STPG2: variants seen among roughly 807,000 people sequenced by gnomAD.
STPG2 encodes sperm tail PG-rich repeat containing 2.
A neutral mutation model predicts 54.2 loss-of-function variants in STPG2; 56 were observed. The ratio of observed to expected loss-of-function variants is 1.03; its 90% CI spans 0.83 to 1.29. STPG2 has a LOEUF of 1.29. Ranked by LOEUF, STPG2 falls within the 50% of genes most tolerant of loss-of-function variation. The pLI, the probability that STPG2 is intolerant of heterozygous loss-of-function variation, is 0.00. For synonymous variants in STPG2, 200 were observed against 181.8 expected (o/e 1.10, Z -0.81); for missense variants, 596 against 544.9 (o/e 1.09, Z -0.93).
At chr4:98,098,237 T>G (rs1245170908) in intron 5 of STPG2, among the ~76,000 whole-genome samples, 1 of 151,976 alleles carries the variant, frequency 6.6e-6, no homozygotes, top group East Asian at 1.9e-4. Flanking sequence ...AGAGCTACAG[T>G]AACCAAAACA....
At chr4:97,796,435 C>A (rs1188660923) in intron 9 of STPG2, among the ~76,000 whole-genome samples, 1 of 152,144 alleles carries the variant, frequency 6.6e-6, no homozygotes, top group African/African-American at 2.4e-5. Context: ...CCAGTTTTCC[C>A]AGCATCATTT....
intron 8 of STPG2, among the ~76,000 whole-genome samples, chr4:97,841,587 C>T (rs1728804209): frequency 6.6e-6 from 1 of 151,776 alleles, no homozygotes; most frequent in East Asian, 1.9e-4. Context: ...TCATTTTCCT[C>T]AAATTATAAC....
chr4:97,579,851 C>T (rs1578402723), intron 10 of STPG2, among the ~76,000 whole-genome samples: 2 of 151,998 alleles, frequency 1.3e-5, no homozygotes, highest in South Asian at 2.1e-4. Context: ...TACAATTGAC[C>T]AAATCTTTTA....
chr4:97,669,896 T>A (rs543489019), intron 10 of STPG2, among the ~76,000 whole-genome samples: 1 of 152,148 alleles, frequency 6.6e-6, no homozygotes, highest in Non-Finnish European at 1.5e-5. Flanking sequence ...AGAGTTACAG[T>A]AAAGCAACTC....
chr4:97,532,441 A>C (rs1195556753), intron 4 of STPG2, among the ~76,000 whole-genome samples: 1 of 152,178 alleles, frequency 6.6e-6, no homozygotes, highest in Non-Finnish European at 1.5e-5. Flanking sequence ...TATTTTCAAA[A>C]AAAATCAGAA....
intron 10 of STPG2, among the ~76,000 whole-genome samples, chr4:97,641,738 A>T (rs1190313336): frequency 1.3e-5 from 2 of 151,514 alleles, no homozygotes; most frequent in African/African-American, 4.8e-5. Flanking sequence ...TACTATAATA[A>T]AAAAGGAAAT....
intron 9 of STPG2, among the ~76,000 whole-genome samples, chr4:97,788,414 T>C (rs1726891670): frequency 2.0e-5 from 3 of 152,138 alleles, no homozygotes; most frequent in Non-Finnish European, 1.5e-5. Context: ...CTCATTCTTT[T>C]TCATGGCTGA....
At chr4:97,444,825 C>A (rs192493752) in intron 4 of STPG2, among the ~76,000 whole-genome samples, 1 of 152,048 alleles carries the variant, frequency 6.6e-6, no homozygotes, top group Non-Finnish European at 1.5e-5. Context: ...GTCAGGAGAT[C>A]GAGACCATCC....
intron 7 of STPG2, among the ~76,000 whole-genome samples, chr4:97,952,456 A>G (rs1228423270): frequency 6.6e-6 from 1 of 152,194 alleles, no homozygotes; most frequent in African/African-American, 2.4e-5. Flanking sequence ...CTTTTGTCCC[A>G]TGGAGCGTCC....
At chr4:98,099,070 T>C (rs1244427118) in intron 5 of STPG2, among the ~76,000 whole-genome samples, 1 of 151,468 alleles carries the variant, frequency 6.6e-6, no homozygotes, top group Non-Finnish European at 1.5e-5. Context: ...AAAAAAAAAC[T>C]AAAAATAGAG....
In STPG2 at chr4:97,943,976, G is replaced by A. The variant is rs1320469185; in HGVS notation, c.965C>T (p.Ser322Phe). 1 of 1,607,066 alleles carries A rather than the reference G, an allele frequency of 6.2e-7. No homozygotes were observed. The highest frequency in any genetic ancestry group is 8.5e-7 in the Non-Finnish European group (1 of 1,177,738). ...GTTAGTCAAGTTAGGTAATTCATCA[G>A]AAATTCCCACACCCTGTGAATGCCA... ...EFWHSQGVGI[S>F]DELPNLTNKY... The change falls in exon 8 of 11, where the codon TCT becomes TTT. Residue 322 changes from serine to phenylalanine, a missense_variant. Physicochemically the swap from Ser to Phe is radical, Grantham distance 155. Transcript: ENST00000295268.
intron 9 of STPG2, among the ~76,000 whole-genome samples, chr4:97,743,402 A>G (rs1560511267): frequency 1.3e-5 from 2 of 151,706 alleles, no homozygotes; most frequent in Non-Finnish European, 3.0e-5. Context: ...TTTCACTTAC[A>G]TAGACTTATT....
intron 10 of STPG2, among the ~76,000 whole-genome samples, chr4:97,622,074 A>G (rs1036893983): frequency 3.9e-5 from 6 of 152,142 alleles, no homozygotes; most frequent in African/African-American, 1.4e-4. Flanking sequence ...ATAGAATTCA[A>G]TATCGCTTCA....
intron 10 of STPG2, among the ~76,000 whole-genome samples, chr4:97,651,157 A>G (rs967336280): frequency 1.3e-5 from 2 of 152,088 alleles, no homozygotes; most frequent in African/African-American, 2.4e-5. Context: ...AATCATTTCA[A>G]TTTTTAAACC....
intron 10 of STPG2, among the ~76,000 whole-genome samples, chr4:97,635,895 G>T (rs949583247): frequency 6.6e-6 from 1 of 152,052 alleles, no homozygotes; most frequent in Non-Finnish European, 1.5e-5. Context: ...AACAATGGGA[G>T]ACTTTAACAC....
At chr4:98,102,695 G>A (rs954373320) in intron 5 of STPG2, among the ~76,000 whole-genome samples, 2 of 151,670 alleles carry the variant, frequency 1.3e-5, no homozygotes, top group African/African-American at 4.8e-5. Context: ...AAATTAAAAT[G>A]TCTCTCATTC....
Position 98,105,986 on chromosome 4 carries a change from T to G in STPG2, c.579A>C (p.Leu193=). 1.3e-6 allele frequency: 2 copies of G among 1,537,534 alleles called. No homozygotes were observed. Among genetic ancestry groups the G allele is most frequent in the South Asian group, 1.1e-5 (1 of 88,962 alleles). ...QQNYCSFIPR[L]YEIIVLQEKK... ...TCTCCTGCAATACTATTATTTCATA[T>G]AGTCGTGGGATAAATGAACAATAAT... The change falls in exon 5 of 11, where the codon CTA becomes CTC. Residue 193 remains leucine, a synonymous_variant. Transcript: ENST00000295268.
chr4:97,795,503 A>G (rs1272485366), intron 9 of STPG2, among the ~76,000 whole-genome samples: 1 of 152,196 alleles, frequency 6.6e-6, no homozygotes, highest in Non-Finnish European at 1.5e-5. Context: ...AGCTTCATCC[A>G]TGTCCCTACA....
chr4:97,980,490 C>T (rs188409560), intron 6 of STPG2, among the ~76,000 whole-genome samples: 347 of 152,254 alleles, frequency 2.3e-3, no homozygotes, highest in Admixed American at 5.9e-3. Context: ...AATCTTGCAG[C>T]ATCTGGTCAG....
Sources: gnomAD v4.1 joint callset for allele counts (sites outside exome capture counted in the v4.1 genomes callset) on GRCh38, gnomAD v4.1.1 for gene constraint, MANE v1.5 for transcripts, NCBI Gene and HGNC (gene_info 2026-07-23, HGNC 2026-07-21) for gene names.